The following SULT4A1 variants were observed in gnomAD, a reference collection of about 807,000 sequenced individuals.
SULT4A1 encodes the protein sulfotransferase 4A1.
In SULT4A1, 11 loss-of-function variants were observed where a neutral mutation model predicts 35.2. The observed-to-expected ratio is 0.31, with a 90% CI of 0.20 to 0.52. The LOEUF is 0.52. SULT4A1 is among the 20% of genes least tolerant of loss of function. SULT4A1 has a pLI of 0.97. For synonymous variants in SULT4A1, 152 were observed against 151.8 expected (o/e 1.00, Z -0.01); for missense variants, 271 against 383.7 (o/e 0.71, Z 2.45).
Position 43,859,750 on chromosome 22 carries a change from G to C in SULT4A1, c.169+2464C>G, listed in dbSNP as rs547283212. Among the ~76,000 whole-genome samples the C allele has an allele frequency of 2.2e-3, 331 of 152,326 alleles. 5 individuals are homozygous for C. Among genetic ancestry groups the C allele is most frequent in the Non-Finnish European group, 3.3e-3 (222 of 68,028 alleles). On this transcript the variant is annotated intron_variant, in intron 1 of 6. Coordinates refer to ENST00000330884, the MANE Select transcript of SULT4A1 (RefSeq NM_014351.4). Reference sequence around the variant, plus strand: ...GCAGCAGAACTTTCAGCTGTGATGGGAACACTCCATATCTGCGCCACCCAA... The same window carrying C: ...GCAGCAGAACTTTCAGCTGTGATGGCAACACTCCATATCTGCGCCACCCAA...
At chr22:43,835,013 G>A (rs549005146) in intron 4 of SULT4A1, among the ~76,000 whole-genome samples, 1 of 54,138 alleles carries the variant, frequency 1.8e-5, no homozygotes, top group Non-Finnish European at 3.4e-5. Flanking sequence ...CCCACACCGC[G>A]GCCCTGTGCT....
Position 43,833,712 on chromosome 22 carries a change from C to T in SULT4A1, c.531G>A (p.Glu177=), listed in dbSNP as rs549956106. 222 of 1,576,716 alleles carry T rather than the reference C, an allele frequency of 1.4e-4. 6 individuals carry two copies. The South Asian group carries it at 2.3e-3, about 16-fold the overall frequency. Residue 177 remains glutamate (E), a synonymous_variant, in exon 5 of 7, where the codon GAG becomes GAA. Transcript: ENST00000330884. ...NDKLGYGSWF[E]HVQEFWEHRM... ...GGTGCTCCCAGAACTCCTGCACGTGCTCAAACCAGGAGCCGTAGCCCACTG... is the reference window on the plus strand; with the variant it reads ...GGTGCTCCCAGAACTCCTGCACGTGTTCAAACCAGGAGCCGTAGCCCACTG...
chr22:43,839,850 G>A (rs1388711892), intron 3 of SULT4A1, 95 bp downstream of exon 3: 25 of 1,213,356 alleles, frequency 2.1e-5, no homozygotes. Context: ...CCCAAGGCCA[G>A]GTAAGTGCCA....
intron 6 of SULT4A1, chr22:43,827,693 T>G: frequency 7.4e-7 from 1 of 1,344,116 alleles, no homozygotes; most frequent in South Asian, 1.2e-5. Context: ...AGGTAAACCA[T>G]GATAAAGCAA....
intron 1 of SULT4A1, among the ~76,000 whole-genome samples, chr22:43,849,400 C>G (rs1246600525): frequency 6.6e-6 from 1 of 152,198 alleles, no homozygotes; most frequent in Non-Finnish European, 1.5e-5. Context: ...CGTTTTCCCG[C>G]TCAGATGTTA....
chr22:43,861,782 C>T (rs2049472229), intron 1 of SULT4A1, among the ~76,000 whole-genome samples: 1 of 152,318 alleles, frequency 6.6e-6, no homozygotes, highest in East Asian at 1.9e-4. Flanking sequence ...CCCATGTTAT[C>T]TCCCTTCCCA....
In SULT4A1 at chr22:43,862,510, T is replaced by G. The variant is rs1246315088; in HGVS notation, c.-128A>C. On this transcript the variant is annotated 5_prime_UTR_variant, in exon 1 of 7. Transcript: ENST00000330884. ...GCGCGCGGCGGCAGCTCCGCAGGCG[T>G]GACGTCATGGCGCCGCCGACGCGCG... The G allele has an allele frequency of 1.1e-6, 1 of 870,344 alleles. No individual in the cohort carries two copies. The highest frequency in any genetic ancestry group is 1.4e-6 in the Non-Finnish European group (1 of 728,478). 53.9% of individuals were successfully genotyped at this position (870,344 alleles called of 1,614,324 possible).
intron 4 of SULT4A1, among the ~76,000 whole-genome samples, chr22:43,835,940 C>A (rs947948903): frequency 6.6e-6 from 1 of 152,244 alleles, no homozygotes; most frequent in African/African-American, 2.4e-5. Context: ...GAGAGCCTTC[C>A]CACCGGAATG....
chr22:43,844,189 G>C (rs994845462), intron 1 of SULT4A1, among the ~76,000 whole-genome samples: 1 of 152,202 alleles, frequency 6.6e-6, no homozygotes, highest in Non-Finnish European at 1.5e-5. Flanking sequence ...ATACGCACAT[G>C]TAAGATATAA....
intron 1 of SULT4A1, among the ~76,000 whole-genome samples, chr22:43,860,107 G>C (rs1216003841): frequency 1.3e-5 from 2 of 152,200 alleles, no homozygotes; most frequent in African/African-American, 2.4e-5. Context: ...AGGGTGGGAA[G>C]GGGCTGACAA....
At chr22:43,844,385 C>G (rs2063458713) in intron 1 of SULT4A1, among the ~76,000 whole-genome samples, 1 of 152,170 alleles carries the variant, frequency 6.6e-6, no homozygotes, top group Non-Finnish European at 1.5e-5. Flanking sequence ...CTGGCACTCA[C>G]TCACAGGACC....
intron 1 of SULT4A1, among the ~76,000 whole-genome samples, chr22:43,852,672 G>A (rs911059943): frequency 2.6e-5 from 4 of 151,882 alleles, no homozygotes; most frequent in Admixed American, 1.3e-4. Flanking sequence ...CTGTGCTTCC[G>A]CACACTGTCT....
In SULT4A1 at chr22:43,825,856, C is replaced by T; in HGVS notation, c.*145G>A. ...TTTCGGTTGGGAATCATCACACTCC[C>T]TCCGCTCACGCCGCTCTTCCCTTCC... On this transcript the variant is annotated 3_prime_UTR_variant, in exon 7 of 7. Coordinates refer to ENST00000330884, the MANE Select transcript of SULT4A1 (RefSeq NM_014351.4). 1.3e-6 allele frequency: 1 copy of T among 766,768 alleles called. No homozygotes were observed. Among genetic ancestry groups the T allele is most frequent in the Non-Finnish European group, 2.1e-6 (1 of 475,478 alleles). 47.5% of individuals were successfully genotyped at this position (766,768 alleles called of 1,614,324 possible).
intron 1 of SULT4A1, among the ~76,000 whole-genome samples, chr22:43,852,368 G>A (rs1424226011): frequency 6.6e-6 from 1 of 151,222 alleles, no homozygotes; most frequent in Non-Finnish European, 1.5e-5. Flanking sequence ...TGTAGAGATG[G>A]GGGTCTCCCT....
chr22:43,857,129 CAT>C (rs1413350791), intron 1 of SULT4A1, among the ~76,000 whole-genome samples: 3 of 152,020 alleles, frequency 2.0e-5, no homozygotes, highest in Non-Finnish European at 4.4e-5. Flanking sequence ...GGGAAAAAAA[CAT>C]AACAGAAACA....
chr22:43,855,484 C>G (rs908693345), intron 1 of SULT4A1, among the ~76,000 whole-genome samples: 1 of 152,142 alleles, frequency 6.6e-6, no homozygotes, highest in Non-Finnish European at 1.5e-5. Flanking sequence ...GTCCTGAAGC[C>G]CAAGCCAGGG....
intron 2 of SULT4A1, among the ~76,000 whole-genome samples, chr22:43,840,734 C>T (rs1478947038): frequency 6.6e-6 from 1 of 152,200 alleles, no homozygotes; most frequent in African/African-American, 2.4e-5. Flanking sequence ...CAGCCAGCAC[C>T]GTGCTCTCTG....
chr22:43,839,906 G>A, intron 3 of SULT4A1, 39 bp downstream of exon 3: 1 of 1,565,612 alleles, frequency 6.4e-7, no homozygotes, highest in Non-Finnish European at 8.7e-7. Context: ...TCCTCTTGGT[G>A]GGGACTCATC....
intron 1 of SULT4A1, among the ~76,000 whole-genome samples, chr22:43,851,097 C>T (rs1327867322): frequency 6.6e-6 from 1 of 152,138 alleles, no homozygotes; most frequent in South Asian, 2.1e-4. Context: ...TGTTTGTCAC[C>T]ATTTTGTAAA....
Sources: allele counts gnomAD v4.1 joint callset (sites outside exome capture counted in the v4.1 genomes callset), GRCh38; gene constraint gnomAD v4.1.1; transcripts MANE v1.5; gene names NCBI Gene and HGNC (gene_info 2026-07-23, HGNC 2026-07-21).